The following SLC35F4 variants were observed in gnomAD, a reference collection of about 807,000 sequenced individuals.
The protein encoded by SLC35F4 is solute carrier family 35 member F4.
A neutral mutation model predicts 44.2 loss-of-function variants in SLC35F4; 24 were observed. That is an observed-to-expected ratio of 0.54 (90% CI 0.39 to 0.76). SLC35F4 has a LOEUF of 0.76. SLC35F4 is among the 30% of genes least tolerant of loss of function. The pLI, the probability that SLC35F4 is intolerant of heterozygous loss-of-function variation, is 0.00. For missense variants in SLC35F4, 562 were observed against 586.1 expected (o/e 0.96, Z 0.42); for synonymous variants, 238 against 223.6 (o/e 1.06, Z -0.57).
chr14:57,740,005 A>G (rs1196746033), intron 1 of SLC35F4, among the ~76,000 whole-genome samples: 1 of 152,104 alleles, frequency 6.6e-6, no homozygotes, highest in East Asian at 1.9e-4. Flanking sequence ...GTTTACAGGC[A>G]TGGACCACCA....
intron 1 of SLC35F4, among the ~76,000 whole-genome samples, chr14:57,790,790 T>C (rs531428104): frequency 4.2e-4 from 64 of 152,116 alleles, no homozygotes; most frequent in Non-Finnish European, 7.8e-4. Context: ...AAATGTCATA[T>C]AGACCAATGG....
At chr14:57,891,196 C>T (rs1319735984) in intron 1 of SLC35F4, among the ~76,000 whole-genome samples, 3 of 152,114 alleles carry the variant, frequency 2.0e-5, no homozygotes, top group Non-Finnish European at 4.4e-5. Context: ...CTTACTGGAT[C>T]TAATGGAAAA....
intron 1 of SLC35F4, among the ~76,000 whole-genome samples, chr14:57,634,015 G>A (rs1042229090): frequency 1.3e-5 from 2 of 152,044 alleles, no homozygotes; most frequent in African/African-American, 4.8e-5. Flanking sequence ...AGAAGTAGAG[G>A]AAGGTAGTGC....
intron 1 of SLC35F4, among the ~76,000 whole-genome samples, chr14:57,854,438 T>A (rs573237653): frequency 6.6e-6 from 1 of 152,218 alleles, no homozygotes; most frequent in African/African-American, 2.4e-5. Flanking sequence ...TGTGGCTACA[T>A]ACATAGCTAA....
intron 1 of SLC35F4, among the ~76,000 whole-genome samples, chr14:57,631,879 G>C (rs986441678): frequency 6.6e-6 from 1 of 151,862 alleles, no homozygotes; most frequent in Non-Finnish European, 1.5e-5. Context: ...AAAAAGTCTC[G>C]GATTGCTTGC....
At chr14:57,648,873 C>T (rs76954328) in intron 1 of SLC35F4, among the ~76,000 whole-genome samples, 20,218 of 152,104 alleles carry the variant, frequency 0.13, 1,600 homozygotes, top group East Asian at 0.22. Flanking sequence ...TATTGCTTAT[C>T]GAAACTCAAA....
intron 6 of SLC35F4, among the ~76,000 whole-genome samples, chr14:57,568,494 T>A (rs1241212026): frequency 6.6e-6 from 1 of 152,200 alleles, no homozygotes; most frequent in Non-Finnish European, 1.5e-5. Flanking sequence ...CACTATTGAT[T>A]TCTACTCAGC....
chr14:57,647,806 G>T (rs1008523969), intron 1 of SLC35F4, among the ~76,000 whole-genome samples: 30 of 152,108 alleles, frequency 2.0e-4, no homozygotes, highest in Non-Finnish European at 3.7e-4. Context: ...ATGTAATCGG[G>T]TTCTTCATCC....
chr14:57,581,087 G>A lies in SLC35F4; in HGVS notation c.807+127C>T, dbSNP rs138610467. The A allele has an allele frequency of 2.0e-4, 184 of 905,670 alleles. No individual in the cohort carries two copies. In the African/African-American group the frequency reaches 2.2e-3, roughly 11 times the overall value. The allele number at this position is 905,670 out of a possible 1,614,324, so 56.1% of individuals were successfully genotyped here. On this transcript the variant is annotated intron_variant, in intron 4 of 7. Coordinates refer to ENST00000556826, the MANE Select transcript of SLC35F4 (RefSeq NM_001306087.2). ...GCTTTCTAATGCGTCTTCAGATTTC[G>A]GTTTGTACTCAGAACAAGTGAGAAA... is the stretch of plus-strand genomic sequence containing the variant.
chr14:57,753,415 G>A (rs1228331213), intron 1 of SLC35F4, among the ~76,000 whole-genome samples: 1 of 152,152 alleles, frequency 6.6e-6, no homozygotes, highest in Non-Finnish European at 1.5e-5. Context: ...TTTACAGGGA[G>A]TAGTAGGGTC....
intron 1 of SLC35F4, among the ~76,000 whole-genome samples, chr14:57,951,240 T>C (rs889915678): frequency 7.2e-5 from 11 of 152,078 alleles, no homozygotes; most frequent in African/African-American, 2.7e-4. Context: ...CTGTGAGGAA[T>C]GGTTCATTAC....
chr14:57,751,207 G>A (rs1294174426), intron 1 of SLC35F4, among the ~76,000 whole-genome samples: 1 of 152,138 alleles, frequency 6.6e-6, no homozygotes, highest in African/African-American at 2.4e-5. Context: ...GGGTGACATG[G>A]TTAATAAGAA....
intron 1 of SLC35F4, among the ~76,000 whole-genome samples, chr14:57,637,318 C>T (rs2073052764): frequency 6.6e-6 from 1 of 152,066 alleles, no homozygotes; most frequent in Non-Finnish European, 1.5e-5. Flanking sequence ...TGAACTCCTC[C>T]TCCTTCAGTT....
chr14:57,671,900 T>C (rs1156579533), intron 1 of SLC35F4, among the ~76,000 whole-genome samples: 1 of 152,088 alleles, frequency 6.6e-6, no homozygotes, highest in Non-Finnish European at 1.5e-5. Flanking sequence ...TGTGAGACAT[T>C]ACTTGAAACC....
chr14:57,590,715 T>A (rs2070119470), intron 2 of SLC35F4, among the ~76,000 whole-genome samples: 1 of 152,174 alleles, frequency 6.6e-6, no homozygotes, highest in African/African-American at 2.4e-5. Context: ...TCCCAGATGG[T>A]AATTGCCTAC....
chr14:57,898,780 G>A (rs549228797), intron 1 of SLC35F4, among the ~76,000 whole-genome samples: 5 of 152,190 alleles, frequency 3.3e-5, no homozygotes, highest in African/African-American at 9.6e-5. Context: ...TACATTTCCC[G>A]CATGTTGACT....
At chr14:57,582,846 CA>C (rs34063007) in intron 3 of SLC35F4, among the ~76,000 whole-genome samples, 4 of 152,092 alleles carry the variant, frequency 2.6e-5, no homozygotes, top group African/African-American at 9.7e-5. Context: ...TGAATAACCC[CA>C]AAAAAGGACC....
At position 57,820,470 on chromosome 14, in the gene SLC35F4, G is replaced by A. The variant is rs563535525; in HGVS notation, c.103+45253C>T. 5.9e-5 allele frequency among the ~76,000 whole-genome samples: 9 copies of A among 152,286 alleles called. No individual in the cohort carries two copies. In the South Asian group the frequency reaches 8.3e-4, roughly 14 times the overall value. ...CATGCCACAGCGGAGAAAAAATAAC[G>A]TATAAGCCAATGCAAGACACATTTC... is the stretch of plus-strand genomic sequence containing the variant. On this transcript the variant is annotated intron_variant, in intron 1 of 7. Transcript: ENST00000556826.
At chr14:57,927,886 C>A (rs1406803029) in intron 1 of SLC35F4, among the ~76,000 whole-genome samples, 2 of 152,078 alleles carry the variant, frequency 1.3e-5, no homozygotes, top group African/African-American at 4.8e-5. Context: ...TCCTACTATG[C>A]CTCATGTTTT....
Sources: allele counts gnomAD v4.1 joint callset (sites outside exome capture counted in the v4.1 genomes callset), GRCh38; gene constraint gnomAD v4.1.1; transcripts MANE v1.5; gene names NCBI Gene and HGNC (gene_info 2026-07-23, HGNC 2026-07-21).